APOB: variants seen among roughly 807,000 people sequenced by gnomAD.
APOB encodes apolipoprotein B-100.
APOB carries 153 observed loss-of-function variants against 314.1 expected under a neutral mutation model. That is an observed-to-expected ratio of 0.49 (90% confidence interval 0.43 to 0.56). The LOEUF is 0.56. Ranked by LOEUF, APOB falls within the 20% of genes least tolerant of loss-of-function variation. The pLI is 0.00. For missense variants in APOB, 5,430 were observed against 5,350.7 expected (o/e 1.01, Z -0.46); for synonymous variants, 2,087 against 2,036.4 (o/e 1.02, Z -0.67).
chr2:21,019,253 A>T (rs901647837), intron 19 of APOB, 140 bp from the exon 20 acceptor site: 137 of 1,134,450 alleles, frequency 1.2e-4, no homozygotes, highest in Admixed American at 3.5e-4. Flanking sequence ...AACTAAGATG[A>T]TCTTTTTGAT....
Position 21,038,007 on chromosome 2 carries a change from G to A in APOB, c.488C>T (p.Ala163Val), listed in dbSNP as rs540530658. Residue 163 changes from alanine (A) to valine (V), a missense_variant, in exon 5 of 29, where the codon GCC becomes GTC. By Grantham distance (64) the Ala-to-Val change is moderately conservative. Transcript: ENST00000233242. ...TTCTGTCTCTGGGGGAACCAGGAGG[G>A]CAGAAATGATGCCCCTCTTGATGTT... ...ILNIKRGIISALLVPPETEEA... is the reference protein window; with the variant it reads ...ILNIKRGIISVLLVPPETEEA... 6.2e-7 allele frequency: 1 copy of A among 1,614,178 alleles called. No individual in the cohort carries two copies. Among genetic ancestry groups the A allele is most frequent in the South Asian group, 1.1e-5 (1 of 91,084 alleles).
chr2:21,025,243 G>A, intron 15 of APOB, 119 bp from the exon 16 acceptor site: 1 of 932,738 alleles, frequency 1.1e-6, no homozygotes, highest in Non-Finnish European at 1.7e-6. Flanking sequence ...TCCAGGTGAG[G>A]AACAGGGAGA....
At chr2:21,041,511 G>A (rs1332433256) in intron 3 of APOB, among the ~76,000 whole-genome samples, 2 of 152,292 alleles carry the variant, frequency 1.3e-5, no homozygotes, top group Non-Finnish European at 2.9e-5. Context: ...CAAAAAACTG[G>A]TTATATCTAT....
At chr2:21,024,676 G>T in intron 16 of APOB, 1 of 652,422 alleles carries the variant, frequency 1.5e-6, no homozygotes, top group South Asian at 1.8e-5. Flanking sequence ...AAGGTATACC[G>T]AACATTGTTT....
At position 21,002,036 on chromosome 2, in the gene APOB, C is replaced by T. The variant is rs1315567909; in HGVS notation, c.13386G>A (p.Gly4462=). The T allele has an allele frequency of 1.2e-6, 2 of 1,613,866 alleles. No individual in the cohort carries two copies. The highest frequency in any genetic ancestry group is 4.5e-5 in the East Asian group (2 of 44,878). ...LSILTDPDGK[G]KEKIAELSAT... is the part of the protein sequence containing the mutation. ...CAGAAAGCTCTGCAATCTTCTCTTTCCCTTTTCCATCTGGATCGGTAAGGA... is the reference window on the plus strand; with the variant it reads ...CAGAAAGCTCTGCAATCTTCTCTTTTCCTTTTCCATCTGGATCGGTAAGGA... The change falls in exon 29 of 29, where the codon GGG becomes GGA. Residue 4462 remains glycine, a synonymous_variant. Transcript: ENST00000233242.
Position 21,001,535 on chromosome 2 carries a change from A to G in APOB, c.*195T>C, listed in dbSNP as rs988218860. 30 of 562,146 alleles carry G rather than the reference A, an allele frequency of 5.3e-5. No individual in the cohort carries two copies. In the East Asian group the frequency reaches 9.0e-4, roughly 17 times the overall value. 34.8% of individuals were successfully genotyped at this position (562,146 alleles called of 1,614,324 possible). On this transcript the variant is annotated 3_prime_UTR_variant, in exon 29 of 29. Transcript: ENST00000233242. Reference sequence around the variant, plus strand: ...ACTTGCAAAAAATGCCATCCTTCTGAGTTCAGAGACCTTCCGAGCCCTGGT... The same window carrying G: ...ACTTGCAAAAAATGCCATCCTTCTGGGTTCAGAGACCTTCCGAGCCCTGGT...
chr2:21,009,318 T>C lies in APOB; in HGVS notation c.7550A>G (p.Glu2517Gly), dbSNP rs776408645. 3.1e-6 allele frequency: 5 copies of C among 1,613,998 alleles called. No individual in the cohort carries two copies. The Admixed American group carries it at 8.3e-5, about 27-fold the overall frequency. Residue 2517 changes from glutamate (E) to glycine (G), a missense_variant, in exon 26 of 29, where the codon GAA (glutamate) becomes GGA (glycine). Glu to Gly is a moderately conservative substitution (Grantham distance 98). Transcript: ENST00000233242. The part of the protein sequence containing the change: ...HMKAKFRETL[E>G]DTRDRMYQMD... ...TTGATACATTCGGTCTCGTGTATCT[T>C]CTAGGGTCTCTCGGAATTTGGCCTT...
chr2:21,035,050 T>A, intron 7 of APOB, 149 bp from the exon 8 acceptor site: 1 of 731,548 alleles, frequency 1.4e-6, no homozygotes, highest in Non-Finnish European at 2.5e-6. Flanking sequence ...CCTGAATGAA[T>A]AACATCCACC....
Position 21,006,834 on chromosome 2 carries a change from G to A in APOB, c.10034C>T (p.Ser3345Leu), listed in dbSNP as rs746369330. The A allele has an allele frequency of 1.9e-6, 3 of 1,614,030 alleles. No homozygotes were observed. In the Admixed American group the frequency reaches 5.0e-5, roughly 27 times the overall value. ...ATTGGTATTCAGTGTGATGACACTTGATTTAAAGGAGAAATCATAGGTAAT... is the reference window on the plus strand; with the variant it reads ...ATTGGTATTCAGTGTGATGACACTTAATTTAAAGGAGAAATCATAGGTAAT... Reference protein sequence around the residue: ...GNITYDFSFKSSVITLNTNAE... With the variant: ...GNITYDFSFKLSVITLNTNAE... The change falls in exon 26 of 29, where the codon TCA becomes TTA. Residue 3345 changes from serine to leucine, a missense_variant. Transcript: ENST00000233242.
Position 21,044,028 on chromosome 2 carries a change from G to A in APOB, c.-83C>T. The A allele has an allele frequency of 2.9e-6, 2 of 681,516 alleles. No individual in the cohort carries two copies. Among genetic ancestry groups the A allele is most frequent in the South Asian group, 6.9e-5 (1 of 14,496 alleles). The allele number at this position is 681,516 out of a possible 1,614,324, so 42.2% of individuals were successfully genotyped here. ...GGCTGGCTGGGCGGGCTCCTCAGCG[G>A]CAGCAACCGAGAAGGGCACTCAGCC... is the stretch of plus-strand genomic sequence containing the variant. On this transcript the variant is annotated 5_prime_UTR_variant, in exon 1 of 29. Transcript: ENST00000233242.
chr2:21,015,212 G>A lies in APOB; in HGVS notation c.3557C>T (p.Thr1186Ile), dbSNP rs763146649. 7 of 1,614,128 alleles carry A rather than the reference G, an allele frequency of 4.3e-6. No homozygotes were observed. In the South Asian group the frequency reaches 6.6e-5, roughly 15 times the overall value. Residue 1186 changes from threonine to isoleucine, a missense_variant, in exon 23 of 29, where the codon ACC becomes ATC. Physicochemically the swap from Thr to Ile is moderately conservative, Grantham distance 89 (BLOSUM62 -1). This residue lies in a region of APOB where 2,085 missense variants were observed against 2,079.7 expected (regional missense o/e 1.00). Transcript: ENST00000233242. ...FEWNTGTNVD[T>I]KKMTSNFPVD... Reference sequence around the variant, plus strand: ...AGGGAAATTGGAAGTCATTTTTTTGGTATCTACATTGGTGCCTGTGTTCCA... The same window carrying A: ...AGGGAAATTGGAAGTCATTTTTTTGATATCTACATTGGTGCCTGTGTTCCA...
At chr2:21,022,657 G>T (rs1406135859) in intron 18 of APOB, among the ~76,000 whole-genome samples, 174 bp downstream of exon 18, 1 of 152,222 alleles carries the variant, frequency 6.6e-6, no homozygotes, top group Non-Finnish European at 1.5e-5. Flanking sequence ...TAGTTATGTA[G>T]TAAGTCTAGG....
intron 24 of APOB, 75 bp downstream of exon 24, chr2:21,014,373 T>A (rs1663412830): frequency 3.2e-6 from 5 of 1,555,644 alleles, no homozygotes; most frequent in Non-Finnish European, 4.4e-6. Flanking sequence ...TTTAAAAAAA[T>A]GTCTAAATCA....
intron 12 of APOB, 100 bp from the exon 13 acceptor site, chr2:21,028,638 A>C (rs1294137229): frequency 2.4e-6 from 2 of 817,668 alleles, no homozygotes; most frequent in Non-Finnish European, 4.2e-6. Flanking sequence ...TCTTAAGCAC[A>C]GGTCTAATTT....
rs151096846 is a variant in APOB, at chr2:21,037,103, G to T, written c.690C>A (p.Gly230=). The part of the protein sequence containing the change: ...TGISPLALIK[G]MTRPLSTLIS... The stretch of plus-strand genomic sequence containing the variant: ...ACAGTGCTGACATGGGACTTACCAT[G>T]CCTTTGATGAGAGCAAGTGGGCTGA... The change falls in exon 6 of 29, where the codon GGC becomes GGA. Residue 230 remains glycine (G), a synonymous_variant. Transcript: ENST00000233242. 22 of 1,614,100 alleles carry T rather than the reference G, an allele frequency of 1.4e-5. No homozygotes were observed. The highest frequency in any genetic ancestry group is 1.9e-5 in the Non-Finnish European group (22 of 1,180,046).
intron 18 of APOB, among the ~76,000 whole-genome samples, chr2:21,021,572 T>C (rs1406250974): frequency 6.6e-6 from 1 of 152,196 alleles, no homozygotes; most frequent in Non-Finnish European, 1.5e-5. Context: ...CTCTCTCCCC[T>C]GCCTACCTCT....
Position 21,002,979 on chromosome 2 carries a change from G to T in APOB, c.12443C>A (p.Ala4148Asp), listed in dbSNP as rs756476242. Residue 4148 changes from alanine to aspartate, a missense_variant, in exon 29 of 29, where the codon GCC becomes GAC. Around this residue, in one of 3 missense-constraint regions of APOB, gnomAD observed 3,281 missense variants for 3,171.0 expected, o/e 1.03. Coordinates refer to ENST00000233242, the MANE Select transcript of APOB (RefSeq NM_000384.3). Reference sequence around the variant, plus strand: ...CAACAGTTCCTGGTACAGATTCTGGGCCTTGTCCTTCCACTCTTGGTAGGT... The same window carrying T: ...CAACAGTTCCTGGTACAGATTCTGGTCCTTGTCCTTCCACTCTTGGTAGGT... ...TGTYQEWKDK[A>D]QNLYQELLTQ... 2.8e-5 allele frequency: 45 copies of T among 1,595,410 alleles called. No homozygotes were observed. The highest frequency in any genetic ancestry group is 1.7e-4 in the Middle Eastern group (1 of 5,962).
At chr2:21,016,843 G>T (rs1403502751) in intron 20 of APOB, among the ~76,000 whole-genome samples, 194 bp from the exon 21 acceptor site, 6 of 151,914 alleles carry the variant, frequency 3.9e-5, no homozygotes, top group Non-Finnish European at 7.4e-5. Flanking sequence ...AATTAGCCGG[G>T]CGCGTTGGTG....
chr2:21,038,870 C>T (rs1664069491), intron 4 of APOB, among the ~76,000 whole-genome samples: 1 of 152,212 alleles, frequency 6.6e-6, no homozygotes, highest in Non-Finnish European at 1.5e-5. Flanking sequence ...TTGTTTTTCT[C>T]ACTTAATTAT....
Sources: allele counts gnomAD v4.1 joint callset (sites outside exome capture counted in the v4.1 genomes callset), GRCh38; gene constraint gnomAD v4.1.1; regional missense constraint gnomAD v4.1.1; transcripts MANE v1.5; gene names NCBI Gene and HGNC (gene_info 2026-07-23, HGNC 2026-07-21).